Variants in SPOCK1 observed in about 807,000 individuals in gnomAD.
SPOCK1 encodes the protein testican-1.
A neutral mutation model predicts 55.3 loss-of-function variants in SPOCK1; 23 were observed. The ratio of observed to expected loss-of-function variants is 0.42; its 90% CI spans 0.30 to 0.59. The LOEUF (loss-of-function observed/expected upper bound fraction) is 0.59. Among genes scored for constraint, SPOCK1 ranks in the 20% least tolerant of loss-of-function variants. SPOCK1 has a pLI of 0.22. For synonymous variants in SPOCK1, 226 were observed against 221.0 expected (o/e 1.02, Z -0.20); for missense variants, 499 against 552.5 (o/e 0.90, Z 0.97).
chr5:137,007,536 A>C (rs1047596547), intron 6 of SPOCK1, among the ~76,000 whole-genome samples: 4 of 152,230 alleles, frequency 2.6e-5, no homozygotes, highest in African/African-American at 9.6e-5. Flanking sequence ...AACATATGAA[A>C]AAAGCTCATC....
At chr5:137,085,580 C>G (rs952934346) in intron 5 of SPOCK1, among the ~76,000 whole-genome samples, 1 of 152,168 alleles carries the variant, frequency 6.6e-6, no homozygotes, top group African/African-American at 2.4e-5. Flanking sequence ...AGAACACTCA[C>G]CTTTTGCAAG....
At chr5:137,483,533 T>G (rs139131724) in intron 2 of SPOCK1, among the ~76,000 whole-genome samples, 9 of 152,222 alleles carry the variant, frequency 5.9e-5, no homozygotes, top group African/African-American at 2.2e-4. Flanking sequence ...ATTTCTCAAA[T>G]GAACAACACT....
chr5:137,309,319 T>C (rs1303916166), intron 2 of SPOCK1, among the ~76,000 whole-genome samples: 2 of 152,148 alleles, frequency 1.3e-5, no homozygotes, highest in Non-Finnish European at 2.9e-5. Context: ...GGCAAAGAGT[T>C]CCTGGAATTC....
chr5:137,452,780 T>C (rs1285213353), intron 2 of SPOCK1, among the ~76,000 whole-genome samples: 1 of 152,222 alleles, frequency 6.6e-6, no homozygotes, highest in African/African-American at 2.4e-5. Flanking sequence ...CAGTTATCTA[T>C]CCTATGTCTG....
intron 3 of SPOCK1, among the ~76,000 whole-genome samples, chr5:137,204,821 C>T (rs1205659076): frequency 6.6e-6 from 1 of 152,162 alleles, no homozygotes; most frequent in Non-Finnish European, 1.5e-5. Flanking sequence ...TCATATCCCG[C>T]TCTTTTCCCC....
chr5:137,033,190 G>A (rs1580716902), intron 6 of SPOCK1, among the ~76,000 whole-genome samples: 1 of 152,326 alleles, frequency 6.6e-6, no homozygotes, highest in East Asian at 1.9e-4. Context: ...GGGTGGAGCA[G>A]CTGGCGATCT....
At chr5:137,095,041 G>A (rs1035320384) in intron 5 of SPOCK1, among the ~76,000 whole-genome samples, 1 of 152,176 alleles carries the variant, frequency 6.6e-6, no homozygotes, top group Non-Finnish European at 1.5e-5. Context: ...GATGCCCATG[G>A]AGAGGGAGAG....
intron 5 of SPOCK1, among the ~76,000 whole-genome samples, chr5:137,072,246 G>A (rs544310191): frequency 2.0e-5 from 3 of 152,350 alleles, no homozygotes; most frequent in East Asian, 1.9e-4. Flanking sequence ...TGATGAAGCA[G>A]TCAAATAAAT....
At chr5:137,247,357 G>C (rs1756416173) in intron 3 of SPOCK1, among the ~76,000 whole-genome samples, 1 of 152,030 alleles carries the variant, frequency 6.6e-6, no homozygotes, top group South Asian at 2.1e-4. Context: ...GCCAGGTTTA[G>C]ACTCCCCCTT....
intron 5 of SPOCK1, among the ~76,000 whole-genome samples, chr5:137,098,535 T>C (rs1358216303): frequency 6.6e-6 from 1 of 152,182 alleles, no homozygotes; most frequent in Non-Finnish European, 1.5e-5. Flanking sequence ...CATCCAACTC[T>C]ATGGACTAAA....
intron 2 of SPOCK1, among the ~76,000 whole-genome samples, chr5:137,308,672 C>T (rs1157769129): frequency 6.6e-6 from 1 of 152,224 alleles, no homozygotes; most frequent in Non-Finnish European, 1.5e-5. Context: ...GCTCTTTCAT[C>T]TCCTGTGTAA....
intron 2 of SPOCK1, among the ~76,000 whole-genome samples, chr5:137,480,682 C>A (rs1160464688): frequency 6.6e-6 from 1 of 152,164 alleles, no homozygotes; most frequent in African/African-American, 2.4e-5. Context: ...CTCCCCACTC[C>A]ACGTCACCCA....
chr5:137,154,574 G>GGGTT (rs1179966115), intron 3 of SPOCK1, among the ~76,000 whole-genome samples: 1 of 152,172 alleles, frequency 6.6e-6, no homozygotes, highest in Admixed American at 6.5e-5. Flanking sequence ...TTAGAATGAT[G>GGGTT]GGTTCTCACA....
chr5:137,141,058 C>A (rs966086113), intron 3 of SPOCK1, among the ~76,000 whole-genome samples: 2 of 152,162 alleles, frequency 1.3e-5, no homozygotes, highest in African/African-American at 4.8e-5. Flanking sequence ...CTGCACCGGG[C>A]CTTAATTTCT....
intron 2 of SPOCK1, among the ~76,000 whole-genome samples, chr5:137,342,122 G>A (rs908706179): frequency 6.6e-6 from 1 of 152,170 alleles, no homozygotes; most frequent in Non-Finnish European, 1.5e-5. Context: ...TTTGATGGAC[G>A]GTGTTCCACA....
intron 9 of SPOCK1, among the ~76,000 whole-genome samples, chr5:136,982,911 T>G (rs1580692419): frequency 6.6e-6 from 1 of 152,288 alleles, no homozygotes; most frequent in East Asian, 1.9e-4. Context: ...TGGGATAAAT[T>G]TTAAATTGTA....
At chr5:137,234,026 A>G (rs903923727) in intron 3 of SPOCK1, among the ~76,000 whole-genome samples, 2 of 152,156 alleles carry the variant, frequency 1.3e-5, no homozygotes, top group African/African-American at 4.8e-5. Flanking sequence ...CCTGGCTGGA[A>G]AGGACAGTCT....
intron 5 of SPOCK1, among the ~76,000 whole-genome samples, chr5:137,109,637 G>A (rs189535160): frequency 7.6e-4 from 116 of 152,178 alleles, no homozygotes; most frequent in South Asian, 2.7e-3. Flanking sequence ...CTGCTTAGAC[G>A]GTTTCAATAT....
chr5:136,983,496 CAGTAGATAGAAAAGAAGGA>C (rs1463338328), intron 9 of SPOCK1, among the ~76,000 whole-genome samples: 2 of 151,794 alleles, frequency 1.3e-5, no homozygotes, highest in Admixed American at 1.3e-4. Context: ...TTTCAAAGAA[CAGTAGATAGAAAAGAAGGA>C]AAATGTAGAT....
Sources: allele counts gnomAD v4.1 joint callset (sites outside exome capture counted in the v4.1 genomes callset), GRCh38; gene constraint gnomAD v4.1.1; transcripts MANE v1.5; gene names NCBI Gene and HGNC (gene_info 2026-07-23, HGNC 2026-07-21).